TRIO: variants seen among roughly 807,000 people sequenced by gnomAD.
TRIO encodes triple functional domain protein.
TRIO carries 58 observed loss-of-function variants against 351.9 expected under a neutral mutation model. The observed-to-expected ratio is 0.16, with a 90% CI of 0.13 to 0.21. The LOEUF (loss-of-function observed/expected upper bound fraction) is 0.21, where lower values mean the gene tolerates loss of function less well. Among genes scored for constraint, TRIO ranks in the 10% least tolerant of loss-of-function variants. TRIO has a pLI of 1.00. For synonymous variants in TRIO, 1,758 were observed against 1,595.7 expected, an observed-to-expected ratio of 1.10 and a Z score of -2.42; for missense variants, 3,201 against 4,027.8, an observed-to-expected ratio of 0.79 and a Z score of 5.56.
At position 14,509,293 on chromosome 5, in the gene TRIO, T is replaced by C. The variant is rs1757933514; in HGVS notation, c.*871T>C. ...GTGCAATGTTGTGGCTTTAACATTTTATGCAACTATTTATGAAGACCTCTG... is the reference window on the plus strand; with the variant it reads ...GTGCAATGTTGTGGCTTTAACATTTCATGCAACTATTTATGAAGACCTCTG... On this transcript the variant is annotated 3_prime_UTR_variant, in exon 57 of 57. Transcript: ENST00000344204. The C allele has an allele frequency of 2.6e-6, 1 of 384,022 alleles. No individual in the cohort carries two copies. The highest frequency in any genetic ancestry group is 3.8e-5 in the Admixed American group (1 of 26,588). The allele number at this position is 384,022 out of a possible 1,614,324, so 23.8% of individuals were successfully genotyped here.
chr5:14,147,069 C>G (rs1224467664), intron 1 of TRIO, among the ~76,000 whole-genome samples: 1 of 152,176 alleles, frequency 6.6e-6, no homozygotes, highest in Non-Finnish European at 1.5e-5. Context: ...AAGAGATTTT[C>G]TGCAGGTGTT....
intron 1 of TRIO, among the ~76,000 whole-genome samples, chr5:14,248,186 A>G (rs958602061): frequency 1.3e-5 from 2 of 152,176 alleles, no homozygotes; most frequent in Non-Finnish European, 2.9e-5. Flanking sequence ...GAAATCATAG[A>G]GTTAGAACTT....
At position 14,316,573 on chromosome 5, in the gene TRIO, T is replaced by C; in HGVS notation, c.1561T>C (p.Ser521Pro). ...KLQRPLTPGS[S>P]DSLTASANYS... ...CCAGCGGCCCTTGACTCCCGGCAGC[T>C]CCGATTCCCTGACAGCCTCTGCCAA... The change falls in exon 9 of 57, where the codon TCC (serine) becomes CCC (proline). Residue 521 changes from serine to proline, a missense_variant. Ser to Pro is a moderately conservative substitution (Grantham distance 74, BLOSUM62 -1). Coordinates refer to ENST00000344204, the MANE Select transcript of TRIO (RefSeq NM_007118.4). 1 of 1,614,170 alleles carries C rather than the reference T, an allele frequency of 6.2e-7. No individual in the cohort carries two copies. Among genetic ancestry groups the C allele is most frequent in the Non-Finnish European group, 8.5e-7 (1 of 1,180,024 alleles).
chr5:14,190,532 C>G (rs1790390627), intron 1 of TRIO, among the ~76,000 whole-genome samples: 1 of 152,078 alleles, frequency 6.6e-6, no homozygotes, highest in Non-Finnish European at 1.5e-5. Flanking sequence ...CTGAGTCAGT[C>G]TGAGGAGAGT....
Position 14,465,683 on chromosome 5 carries a change from G to A in TRIO, c.5763+43G>A, listed in dbSNP as rs1380487636. 2.5e-6 allele frequency: 4 copies of A among 1,602,478 alleles called. No homozygotes were observed. In the East Asian group the frequency reaches 6.7e-5, roughly 27 times the overall value. ...AAGTCTGACTTTTGGAAGCTGCTCT[G>A]TGTTGCTACTTGCAGATGGATTTGC... On this transcript the variant is annotated intron_variant, in intron 37 of 56. Coordinates refer to ENST00000344204, the MANE Select transcript of TRIO (RefSeq NM_007118.4).
intron 19 of TRIO, 112 bp downstream of exon 19, chr5:14,374,455 C>A: frequency 4.6e-6 from 3 of 645,700 alleles, no homozygotes; most frequent in East Asian, 3.2e-5. Flanking sequence ...TTTAAATGTC[C>A]GTTTCATGTT....
At chr5:14,462,635 G>A in intron 35 of TRIO, 120 bp from the exon 36 acceptor site, 1 of 1,377,310 alleles carries the variant, frequency 7.3e-7, no homozygotes, top group South Asian at 1.4e-5. Flanking sequence ...GTCGAGAATA[G>A]CTTTGTTCCT....
rs1744905119 is a variant in TRIO at position 14,369,589 on chromosome 5, C to T, written c.3216+66C>T. 3 of 1,516,614 alleles carry T rather than the reference C, an allele frequency of 2.0e-6. No individual in the cohort carries two copies. The African/African-American group carries it at 4.1e-5, about 21-fold the overall frequency. 93.9% of individuals were successfully genotyped at this position (1,516,614 alleles called of 1,614,324 possible). A position where few individuals can be genotyped will look rare whatever the true frequency, so the allele number is the denominator to read the frequency against. ...TCCTGCCTGCCAGGTGCGCGTGGCA[C>T]AGTCATCGCTTCCCAAGGGAGCCTG... is the stretch of plus-strand genomic sequence containing the variant. On this transcript the variant is annotated intron_variant, in intron 18 of 56. Transcript: ENST00000344204.
rs1581387478 is a variant in TRIO, at chr5:14,223,747, A to G, written c.158-47078A>G. On this transcript the variant is annotated intron_variant, in intron 1 of 56. Coordinates refer to ENST00000344204, the MANE Select transcript of TRIO (RefSeq NM_007118.4). ...GCACTTTGTTTTTCATTTGAAGGTCATCATCTCCCTTTGGCACATGTGCTT... is the reference window on the plus strand; with the variant it reads ...GCACTTTGTTTTTCATTTGAAGGTCGTCATCTCCCTTTGGCACATGTGCTT... Among the ~76,000 whole-genome samples the G allele has an allele frequency of 2.0e-5, 3 of 152,182 alleles. No individual in the cohort carries two copies. The South Asian group carries it at 6.2e-4, about 32-fold the overall frequency.
At chr5:14,403,227 G>T (rs1326360639) in intron 31 of TRIO, among the ~76,000 whole-genome samples, 1 of 129,040 alleles carries the variant, frequency 7.7e-6, no homozygotes, top group Non-Finnish European at 1.7e-5. Context: ...GTTGTGGTGA[G>T]GGTGTAGGTT....
chr5:14,266,032 GATTC>G (rs1795650347), intron 1 of TRIO, among the ~76,000 whole-genome samples: 1 of 151,934 alleles, frequency 6.6e-6, no homozygotes, highest in Non-Finnish European at 1.5e-5. Flanking sequence ...TTGATTGATT[GATTC>G]ATTCATTCAT....
At chr5:14,271,162 T>C (rs1163753583) in intron 2 of TRIO, among the ~76,000 whole-genome samples, 1 of 152,254 alleles carries the variant, frequency 6.6e-6, no homozygotes, top group Admixed American at 6.5e-5. Flanking sequence ...TCAGCTGTTC[T>C]GCCCCAATCA....
chr5:14,262,759 G>A (rs191068999), intron 1 of TRIO, among the ~76,000 whole-genome samples: 20 of 151,896 alleles, frequency 1.3e-4, no homozygotes, highest in Non-Finnish European at 2.8e-4. Flanking sequence ...CGAGGTCGAT[G>A]GTTTATGAGG....
Position 14,488,223 on chromosome 5 carries a change from C to CATGAG in TRIO, c.7595_7596insATGAG (p.Ser2533Ter). 6.3e-7 allele frequency: 1 copy of CATGAG among 1,588,990 alleles called. No individual in the cohort carries two copies. Among genetic ancestry groups the CATGAG allele is most frequent in the Non-Finnish European group, 8.5e-7 (1 of 1,174,936 alleles). ...GACCGCATGAGCACGTGCTCCTCGG[C>CATGAG]CAGCGAGCAGTCCGTGCAGTCCACC... On this transcript the variant is annotated stop_gained and frameshift_variant, in exon 48 of 57. Coordinates refer to ENST00000344204, the MANE Select transcript of TRIO (RefSeq NM_007118.4). LOFTEE classifies it high-confidence loss of function.
intron 9 of TRIO, among the ~76,000 whole-genome samples, chr5:14,326,300 C>G (rs1740376736): frequency 6.6e-6 from 1 of 152,212 alleles, no homozygotes; most frequent in Admixed American, 6.5e-5. Context: ...TTCAGTCTTG[C>G]AATTAGGACC....
intron 7 of TRIO, among the ~76,000 whole-genome samples, chr5:14,304,202 G>T (rs1738165390): frequency 6.6e-6 from 1 of 152,154 alleles, no homozygotes; most frequent in Admixed American, 6.5e-5. Flanking sequence ...GGCACACCCA[G>T]ACCTGGGCAG....
rs754850989 is a variant in TRIO at position 14,472,648 on chromosome 5, A to G, written c.5969A>G (p.Tyr1990Cys). ...TERDYVRDLG[Y>C]VVEGYMALMK... ...CGTGACTATGTGCGGGACCTTGGCT[A>G]TGTGGTTGAGGTGTGTATTGCCAGA... Residue 1990 changes from tyrosine (Y) to cysteine (C), a missense_variant, in exon 39 of 57, where the codon TAT becomes TGT. Transcript: ENST00000344204. 1.2e-5 allele frequency: 19 copies of G among 1,613,880 alleles called. No homozygotes were observed. The highest frequency in any genetic ancestry group is 1.2e-4 in the Admixed American group (7 of 60,002).
rs548920370 is a variant in TRIO at position 14,201,189 on chromosome 5, G to A, written c.157+57307G>A. Among the ~76,000 whole-genome samples the A allele has an allele frequency of 8.2e-4, 124 of 152,134 alleles. No individual in the cohort carries two copies. In the East Asian group the frequency reaches 0.018, roughly 22 times the overall value. On this transcript the variant is annotated intron_variant, in intron 1 of 56. Transcript: ENST00000344204. ...GCAGGAGAATCGCTTGAACCCGGGA[G>A]GCAGAGGTTGCAGTGAGCCGAGATC...
chr5:14,289,290 C>T (rs1211335748), intron 4 of TRIO, among the ~76,000 whole-genome samples: 1 of 152,072 alleles, frequency 6.6e-6, no homozygotes, highest in South Asian at 2.1e-4. Context: ...GAGGCTGAGG[C>T]AGGAGAATCA....
Sources: gnomAD v4.1 joint callset for allele counts (sites outside exome capture counted in the v4.1 genomes callset) on GRCh38, gnomAD v4.1.1 for gene constraint, MANE v1.5 for transcripts, NCBI Gene and HGNC (gene_info 2026-07-23, HGNC 2026-07-21) for gene names.